Variants in STXBP4 observed in about 807,000 individuals in gnomAD.
STXBP4 encodes syntaxin-binding protein 4.
A neutral mutation model predicts 76.1 loss-of-function variants in STXBP4; 55 were observed. That is an observed-to-expected ratio of 0.72 (90% confidence interval 0.58 to 0.91). The LOEUF is 0.91. Ranked by LOEUF, STXBP4 falls within the 40% of genes least tolerant of loss-of-function variation. STXBP4 has a pLI of 0.00. For missense variants in STXBP4, 618 were observed against 636.9 expected (o/e 0.97, Z 0.32); for synonymous variants, 201 against 220.2 (o/e 0.91, Z 0.77).
At chr17:55,179,626 CTCCTCT>C in the STXBP4 span, among the ~76,000 whole-genome samples, 1 of 152,094 alleles carries the variant, frequency 6.6e-6, no homozygotes, top group Non-Finnish European at 1.5e-5. Flanking sequence ...CCTCCTTTTC[CTCCTCT>C]TCCTCTTCCT....
At position 54,999,632 on chromosome 17, in the gene STXBP4, G is replaced by A. The variant is rs1285299240; in HGVS notation, c.288G>A (p.Arg96=). 1 of 1,612,560 alleles carries A rather than the reference G, an allele frequency of 6.2e-7. No homozygotes were observed. The highest frequency in any genetic ancestry group is 2.2e-5 in the East Asian group (1 of 44,762). Residue 96 remains arginine (R), a splice_region_variant and synonymous_variant, in exon 6 of 18, where the codon AGG becomes AGA. Coordinates refer to ENST00000376352, the MANE Select transcript of STXBP4 (RefSeq NM_178509.6). ...AKSIITGAKL[R]LESAWEIAFI... is the part of the protein sequence containing the mutation. The stretch of plus-strand genomic sequence containing the variant: ...TAAAGTGATTTCTTTTTAGTACTAG[G>A]TTAGAATCTGCTTGGGAGATAGCAT...
intron 8 of STXBP4, among the ~76,000 whole-genome samples, chr17:55,029,752 C>A (rs2078474886): frequency 6.6e-6 from 1 of 152,032 alleles, no homozygotes; most frequent in Admixed American, 6.6e-5. Context: ...ATACCCTATA[C>A]ATACTTCTAT....
intron 16 of STXBP4, among the ~76,000 whole-genome samples, chr17:55,107,553 G>C (rs1226602037): frequency 6.6e-6 from 1 of 152,136 alleles, no homozygotes; most frequent in African/African-American, 2.4e-5. Context: ...TTTTGCACTG[G>C]TTTTTCCACG....
chr17:55,078,269 A>G lies in STXBP4; in HGVS notation c.1305+75A>G, dbSNP rs2079212177. 8 of 948,354 alleles carry G rather than the reference A, an allele frequency of 8.4e-6. No individual in the cohort carries two copies. In the South Asian group the frequency reaches 1.1e-4, roughly 13 times the overall value. 58.7% of individuals were successfully genotyped at this position (948,354 alleles called of 1,614,324 possible). A position where few individuals can be genotyped will look rare whatever the true frequency, so the allele number is the denominator to read the frequency against. On this transcript the variant is annotated intron_variant, in intron 14 of 17. Transcript: ENST00000376352. ...CTGGCATATAGATAAATGTTACTGT[A>G]TTTGGTACCTAGTGAAACATTCTCT...
chr17:55,204,753 T>C, the STXBP4 span, among the ~76,000 whole-genome samples: 1 of 151,960 alleles, frequency 6.6e-6, no homozygotes, highest in East Asian at 1.9e-4. Context: ...TACTTTTCTC[T>C]GGGTTTCTGC....
chr17:55,025,929 A>G (rs1189902777), intron 8 of STXBP4, among the ~76,000 whole-genome samples: 1 of 152,240 alleles, frequency 6.6e-6, no homozygotes, highest in Non-Finnish European at 1.5e-5. Flanking sequence ...AAATGAGTTC[A>G]GCAAGTTTAC....
At chr17:55,158,554 A>G (rs2080305596) in intron 17 of STXBP4, among the ~76,000 whole-genome samples, 1 of 152,248 alleles carries the variant, frequency 6.6e-6, no homozygotes, top group Non-Finnish European at 1.5e-5. Context: ...AGATTCATCC[A>G]GCCAAAGGCT....
Position 55,161,709 on chromosome 17 carries a change from T to C in STXBP4, c.*1798T>C, listed in dbSNP as rs1353499833. The C allele has an allele frequency of 6.6e-6, 1 of 152,240 alleles. No individual in the cohort carries two copies. The highest frequency in any genetic ancestry group is 1.9e-4 in the East Asian group (1 of 5,198). 9.4% of individuals were successfully genotyped at this position (152,240 alleles called of 1,614,324 possible). ...GGCCTAAACAATTGTAATGATATTA[T>C]TTATTGGGCATTTTGTGCCATACAT... On this transcript the variant is annotated 3_prime_UTR_variant, in exon 18 of 18. Coordinates refer to ENST00000376352, the MANE Select transcript of STXBP4 (RefSeq NM_178509.6).
intron 8 of STXBP4, among the ~76,000 whole-genome samples, chr17:55,026,881 G>T (rs1442522065): frequency 2.6e-5 from 4 of 152,154 alleles, no homozygotes; most frequent in Non-Finnish European, 5.9e-5. Context: ...TCAGGCAGAG[G>T]AGCTTGGGCA....
chr17:54,971,467 T>C (rs895729567), intron 1 of STXBP4, among the ~76,000 whole-genome samples: 1 of 152,218 alleles, frequency 6.6e-6, no homozygotes, highest in African/African-American at 2.4e-5. Flanking sequence ...TGAGCTCTTA[T>C]GTCTCTTATA....
chr17:55,060,092 C>T (rs1010353818), intron 12 of STXBP4, among the ~76,000 whole-genome samples: 2 of 151,856 alleles, frequency 1.3e-5, no homozygotes, highest in African/African-American at 4.8e-5. Context: ...GTATACAAAC[C>T]CACATGCATA....
At chr17:54,990,073 A>T (rs1366918323) in intron 3 of STXBP4, among the ~76,000 whole-genome samples, 1 of 152,224 alleles carries the variant, frequency 6.6e-6, no homozygotes, top group East Asian at 1.9e-4. Flanking sequence ...TACTCCAAAG[A>T]AATAAGCATT....
chr17:55,179,499 T>G, the STXBP4 span, among the ~76,000 whole-genome samples: 122 of 152,222 alleles, frequency 8.0e-4, no homozygotes, highest in African/African-American at 2.8e-3. Context: ...AGTTCAAATC[T>G]GAAGGCAAAA....
chr17:55,135,178 CTG>C (rs1187904763), intron 16 of STXBP4, among the ~76,000 whole-genome samples: 1 of 152,138 alleles, frequency 6.6e-6, no homozygotes, highest in Non-Finnish European at 1.5e-5. Context: ...ATAAAGTAGA[CTG>C]TGAACCACCA....
At chr17:55,035,852 C>T (rs925789840) in intron 10 of STXBP4, among the ~76,000 whole-genome samples, 6 of 151,706 alleles carry the variant, frequency 4.0e-5, no homozygotes, top group South Asian at 2.1e-4. Flanking sequence ...AAGATGTTCT[C>T]GTATCTTATT....
At chr17:55,190,393 C>T in the STXBP4 span, among the ~76,000 whole-genome samples, 2 of 152,088 alleles carry the variant, frequency 1.3e-5, no homozygotes, top group Admixed American at 1.3e-4. Flanking sequence ...GAGAAAGATT[C>T]GTTGATGCTA....
At chr17:55,086,298 G>C (rs2079327708) in intron 16 of STXBP4, among the ~76,000 whole-genome samples, 1 of 151,704 alleles carries the variant, frequency 6.6e-6, no homozygotes, top group Non-Finnish European at 1.5e-5. Context: ...TGTATGCATG[G>C]GGTACATAGT....
chr17:55,066,236 T>G (rs1409743698), intron 12 of STXBP4, among the ~76,000 whole-genome samples: 4 of 152,046 alleles, frequency 2.6e-5, no homozygotes, highest in Non-Finnish European at 5.9e-5. Flanking sequence ...TTGTTTTGTT[T>G]TGTTTGAGAC....
intron 8 of STXBP4, among the ~76,000 whole-genome samples, chr17:55,026,722 T>G (rs2078422466): frequency 6.6e-6 from 1 of 152,186 alleles, no homozygotes. Context: ...GATTCTATAT[T>G]ACAGGGGACT....
Sources: gnomAD v4.1 joint callset for allele counts (sites outside exome capture counted in the v4.1 genomes callset) on GRCh38, gnomAD v4.1.1 for gene constraint, MANE v1.5 for transcripts, NCBI Gene and HGNC (gene_info 2026-07-23, HGNC 2026-07-21) for gene names.